RBM25: variants seen among roughly 807,000 people sequenced by gnomAD.
The protein encoded by RBM25 is RNA-binding protein 25.
Under a neutral mutation model 120.7 loss-of-function variants are expected in RBM25, and 19 were observed. The ratio of observed to expected loss-of-function variants is 0.16; its 90% CI spans 0.11 to 0.23. The LOEUF (loss-of-function observed/expected upper bound fraction) is 0.23. RBM25 is among the 10% of genes least tolerant of loss of function. The probability of loss-of-function intolerance (pLI) is 1.00; values close to 1 mark genes in which losing one functional copy is unlikely to be tolerated. For synonymous variants in RBM25, 390 were observed against 326.7 expected (o/e 1.19, Z -2.09); for missense variants, 605 against 1,041.5 (o/e 0.58, Z 5.77).
chr14:73,095,798 A>C (rs898068956), intron 6 of RBM25, among the ~76,000 whole-genome samples: 3 of 152,186 alleles, frequency 2.0e-5, no homozygotes, highest in African/African-American at 7.2e-5. Flanking sequence ...ACCAAGAGCC[A>C]GGCATGTATG....
intron 1 of RBM25, among the ~76,000 whole-genome samples, chr14:73,059,917 C>T (rs1224450967): frequency 6.6e-6 from 1 of 152,050 alleles, no homozygotes; most frequent in Admixed American, 6.5e-5. Context: ...ATGTAAAATC[C>T]TTCGTGCAGT....
At chr14:73,068,290 ACT>A (rs770865347) in intron 1 of RBM25, 8 of 842,002 alleles carry the variant, frequency 9.5e-6, no homozygotes, top group Middle Eastern at 2.3e-4. Flanking sequence ...TTTGTGGGTC[ACT>A]CTCTTGTGAG....
chr14:73,065,790 A>C (rs1895118030), intron 1 of RBM25, among the ~76,000 whole-genome samples: 1 of 148,492 alleles, frequency 6.7e-6, no homozygotes, highest in Non-Finnish European at 1.5e-5. Flanking sequence ...CCTGACCTCC[A>C]GTGATCTGCC....
chr14:73,082,701 G>A (rs1451579752), intron 4 of RBM25, among the ~76,000 whole-genome samples: 1 of 152,116 alleles, frequency 6.6e-6, no homozygotes, highest in Non-Finnish European at 1.5e-5. Flanking sequence ...TATAGTTAGA[G>A]TCTTGCTGTG....
At chr14:73,067,421 A>T (rs1290486908) in intron 1 of RBM25, among the ~76,000 whole-genome samples, 1 of 151,104 alleles carries the variant, frequency 6.6e-6, no homozygotes, top group Non-Finnish European at 1.5e-5. Context: ...TTATTTTATT[A>T]TTTTTGAGGC....
intron 18 of RBM25, among the ~76,000 whole-genome samples, chr14:73,114,968 A>G (rs974708900): frequency 4.6e-5 from 7 of 152,242 alleles, no homozygotes; most frequent in African/African-American, 7.2e-5. Flanking sequence ...ACAATGTGCT[A>G]GAAGCATAAA....
At chr14:73,097,545 G>C (rs1895975601) in intron 7 of RBM25, among the ~76,000 whole-genome samples, 1 of 151,988 alleles carries the variant, frequency 6.6e-6, no homozygotes, top group South Asian at 2.1e-4. Flanking sequence ...ATGTTTTCTA[G>C]GCTGGTCTCC....
intron 6 of RBM25, among the ~76,000 whole-genome samples, chr14:73,090,498 C>A (rs114281025): frequency 6.8e-4 from 103 of 152,308 alleles, no homozygotes; most frequent in African/African-American, 2.3e-3. Context: ...TGTTGCCTAT[C>A]CAAGCTCCCT....
At chr14:73,103,992 ACACTCTCTCT>A (rs1896125098) in intron 10 of RBM25, among the ~76,000 whole-genome samples, 2 of 113,538 alleles carry the variant, frequency 1.8e-5, no homozygotes, top group Non-Finnish European at 3.5e-5. Context: ...ACACACACAC[ACACTCTCTCT>A]CTCTCTCTCT....
At chr14:73,117,995 A>G (rs767302484) in intron 18 of RBM25, among the ~76,000 whole-genome samples, 2 of 152,212 alleles carry the variant, frequency 1.3e-5, no homozygotes, top group Non-Finnish European at 2.9e-5. Context: ...CCTATAACTC[A>G]TAAGTAGAGA....
At chr14:73,103,109 C>T in intron 9 of RBM25, 83 bp from the exon 10 acceptor site, 2 of 1,527,054 alleles carry the variant, frequency 1.3e-6, no homozygotes, top group South Asian at 1.3e-5. Context: ...TGTTTTTGTT[C>T]CCAGTACTGG....
At chr14:73,078,907 G>A (rs775720032) in intron 4 of RBM25, among the ~76,000 whole-genome samples, 19 of 152,124 alleles carry the variant, frequency 1.2e-4, no homozygotes, top group Non-Finnish European at 2.5e-4. Context: ...CCTGGCTAGG[G>A]TTAATATTTT....
At chr14:73,060,000 T>G (rs1894962502) in intron 1 of RBM25, among the ~76,000 whole-genome samples, 1 of 152,184 alleles carries the variant, frequency 6.6e-6, no homozygotes. Context: ...CAATGAAATG[T>G]AAGAGTCCAA....
chr14:73,096,126 C>T (rs1895936757), intron 6 of RBM25, among the ~76,000 whole-genome samples: 1 of 152,058 alleles, frequency 6.6e-6, no homozygotes, highest in African/African-American at 2.4e-5. Context: ...TATAGGCATG[C>T]ACCACCGCAC....
intron 10 of RBM25, 69 bp from the exon 11 acceptor site, chr14:73,105,787 TGTC>T: frequency 6.4e-7 from 1 of 1,567,176 alleles, no homozygotes; most frequent in Non-Finnish European, 8.6e-7. Flanking sequence ...TAATGTATGT[TGTC>T]CTCCTTTACT....
In RBM25 at chr14:73,104,559, G is replaced by A. The variant is rs544267328; in HGVS notation, c.1154+1081G>A. Among the ~76,000 whole-genome samples the A allele has an allele frequency of 9.2e-5, 14 of 151,880 alleles. No homozygotes were observed. In the South Asian group the frequency reaches 1.3e-3, roughly 14 times the overall value. ...TTTTGTATTTTTTTTGTAGAGTCTA[G>A]GTTTTGCTATGTTGCCCAGCTGGTC... On this transcript the variant is annotated intron_variant, in intron 10 of 18. Coordinates refer to ENST00000261973, the MANE Select transcript of RBM25 (RefSeq NM_021239.3).
At chr14:73,116,627 C>T (rs751402447) in intron 18 of RBM25, among the ~76,000 whole-genome samples, 3 of 152,138 alleles carry the variant, frequency 2.0e-5, no homozygotes, top group African/African-American at 4.8e-5. Context: ...CTTCCAGCCC[C>T]GTTTTTCTTG....
chr14:73,109,411 G>A lies in RBM25; in HGVS notation c.1611G>A (p.Lys537=). 1 of 1,614,170 alleles carries A rather than the reference G, an allele frequency of 6.2e-7. No individual in the cohort carries two copies. The highest frequency in any genetic ancestry group is 8.5e-7 in the Non-Finnish European group (1 of 1,179,998). Residue 537 remains lysine, a synonymous_variant, in exon 14 of 19, where the codon AAG becomes AAA. Transcript: ENST00000261973. ...KEMEADERDR[K]REKEELEEIR... is the part of the protein sequence containing the mutation. ...TGGAAGCAGATGAACGAGATAGGAA[G>A]AGAGAGAAGGAGGAGCTTGAGGAAA... is the stretch of plus-strand genomic sequence containing the variant.
intron 1 of RBM25, among the ~76,000 whole-genome samples, chr14:73,070,830 C>G (rs374438060): frequency 1.3e-5 from 2 of 150,344 alleles, no homozygotes; most frequent in East Asian, 1.9e-4. Context: ...ACATGTAATC[C>G]CAGCTACTCA....
Sources: allele counts gnomAD v4.1 joint callset (sites outside exome capture counted in the v4.1 genomes callset), GRCh38; gene constraint gnomAD v4.1.1; transcripts MANE v1.5; gene names NCBI Gene and HGNC (gene_info 2026-07-23, HGNC 2026-07-21).